RADIL: variants seen among roughly 807,000 people sequenced by gnomAD.
The protein encoded by RADIL is ras-associating and dilute domain-containing protein.
A neutral mutation model predicts 97.6 loss-of-function variants in RADIL; 99 were observed. The observed-to-expected ratio is 1.01, with a 90% confidence interval of 0.86 to 1.20. The LOEUF is 1.20. Among genes scored for constraint, RADIL ranks in the 50% most tolerant of loss-of-function variants. RADIL has a pLI of 0.00. For missense variants in RADIL, 1,765 were observed against 1,498.9 expected, an observed-to-expected ratio of 1.18 and a Z score of -2.93; for synonymous variants, 803 against 691.8, an observed-to-expected ratio of 1.16 and a Z score of -2.52.
At chr7:4,800,721 T>TAGCCC (rs369235162) in intron 12 of RADIL, among the ~76,000 whole-genome samples, 9 of 152,240 alleles carry the variant, frequency 5.9e-5, no homozygotes, top group East Asian at 1.9e-4. Context: ...CCCCAGGCCC[T>TAGCCC]AGCCCAGCCC....
At position 4,836,410 on chromosome 7, in the gene RADIL, G is replaced by A. The variant is rs769430872; in HGVS notation, c.731C>T (p.Ser244Leu). 1.5e-5 allele frequency: 24 copies of A among 1,581,706 alleles called. No homozygotes were observed. The highest frequency in any genetic ancestry group is 3.3e-4 in the Middle Eastern group (2 of 6,028). ...EEPGPDAMRY[S>L]LYQSPHLLLL... Reference sequence around the variant, plus strand: ...GAGCAGATGCGGGGACTGGTACAGCGAGTACCGCATGGCGTCGGGGCCGGG... The same window carrying A: ...GAGCAGATGCGGGGACTGGTACAGCAAGTACCGCATGGCGTCGGGGCCGGG... The change falls in exon 3 of 15, where the codon TCG becomes TTG. Residue 244 changes from serine (S) to leucine (L), a missense_variant. Physicochemically the swap from Ser to Leu is moderately radical, Grantham distance 145 (BLOSUM62 -2). Coordinates refer to ENST00000399583, the MANE Select transcript of RADIL (RefSeq NM_018059.5).
In RADIL at chr7:4,828,693, T is replaced by C. The variant is rs763479480; in HGVS notation, c.1454+3448A>G. Among the ~76,000 whole-genome samples the C allele has an allele frequency of 6.3e-4, 96 of 152,260 alleles. 1 individual carries two copies. The highest frequency in any genetic ancestry group is 3.4e-3 in the Middle Eastern group (1 of 294). ...TGTGGGATCACGGGGGAGTGACAGA[T>C]TCCGTACTGTTCTGTGTTTTGGAAG... On this transcript the variant is annotated intron_variant, in intron 5 of 14. Coordinates refer to ENST00000399583, the MANE Select transcript of RADIL (RefSeq NM_018059.5).
At chr7:4,801,481 G>C (rs1427769900) in intron 12 of RADIL, among the ~76,000 whole-genome samples, 172 bp downstream of exon 12, 4 of 152,242 alleles carry the variant, frequency 2.6e-5, no homozygotes, top group African/African-American at 7.2e-5. Flanking sequence ...CAGCTGCTGG[G>C]GGCTGAGCAG....
Position 4,797,982 on chromosome 7 carries a change from A to G in RADIL, c.*1396T>C, listed in dbSNP as rs562823098. ...GAGCGAGACTCCGTCTCATAAAAAA[A>G]AATTAAATATTTATATTTTATATAA... On this transcript the variant is annotated 3_prime_UTR_variant, in exon 15 of 15. Coordinates refer to ENST00000399583, the MANE Select transcript of RADIL (RefSeq NM_018059.5). The G allele has an allele frequency of 6.7e-6, 1 of 150,154 alleles. No homozygotes were observed. Among genetic ancestry groups the G allele is most frequent in the Admixed American group, 6.6e-5 (1 of 15,124 alleles). The allele number at this position is 150,154 out of a possible 1,614,324, so 9.3% of individuals were successfully genotyped here. A position where few individuals can be genotyped will look rare whatever the true frequency, so the allele number is the denominator to read the frequency against.
chr7:4,829,343 G>A (rs1783078643), intron 5 of RADIL, among the ~76,000 whole-genome samples: 1 of 152,200 alleles, frequency 6.6e-6, no homozygotes, highest in African/African-American at 2.4e-5. Context: ...TCGGGACCTG[G>A]CTCTGGGGAG....
At chr7:4,809,375 G>A (rs966822916) in intron 9 of RADIL, 1 of 985,404 alleles carries the variant, frequency 1.0e-6, no homozygotes, top group Non-Finnish European at 1.2e-6. Flanking sequence ...GCCCGGCTGA[G>A]CGGGGGGAGG....
rs910591792 is a variant in RADIL at position 4,873,067 on chromosome 7, A to G, written c.535+4538T>C. ...ATTCTCTGCCTCCCAAGTAGCTGGGATTACAGGTATGCACCATCATGCCCG... is the reference window on the plus strand; with the variant it reads ...ATTCTCTGCCTCCCAAGTAGCTGGGGTTACAGGTATGCACCATCATGCCCG... On this transcript the variant is annotated intron_variant, in intron 2 of 14. Transcript: ENST00000399583. The surrounding 1 kb of genome is among the most constrained non-coding windows in gnomAD (Gnocchi z 4.3). Among the ~76,000 whole-genome samples the G allele has an allele frequency of 1.3e-5, 2 of 152,160 alleles. No homozygotes were observed. The highest frequency in any genetic ancestry group is 6.5e-5 in the Admixed American group (1 of 15,274).
chr7:4,806,251 G>T (rs1391363425), intron 9 of RADIL, among the ~76,000 whole-genome samples: 2 of 152,222 alleles, frequency 1.3e-5, no homozygotes, highest in Admixed American at 1.3e-4. Flanking sequence ...CCAGGATCAA[G>T]CGATCCTCCC....
intron 1 of RADIL, chr7:4,882,064 C>CCAAT (rs1387259444): frequency 1.3e-5 from 2 of 151,920 alleles, no homozygotes; most frequent in Non-Finnish European, 2.9e-5. Context: ...TGACTCCTTT[C>CCAAT]CAATAACTCC....
chr7:4,861,455 C>A (rs1783993144), intron 2 of RADIL: 1 of 1,614,152 alleles, frequency 6.2e-7, no homozygotes, highest in East Asian at 2.2e-5. Context: ...TGGTGCAACG[C>A]ACAAGGCGTC....
At position 4,815,686 on chromosome 7, in the gene RADIL, C is replaced by T. The variant is rs916984071; in HGVS notation, c.1967-236G>A. Among the ~76,000 whole-genome samples, 5 of 152,164 alleles carry T rather than the reference C, an allele frequency of 3.3e-5. No individual in the cohort carries two copies. The highest frequency in any genetic ancestry group is 2.1e-4 in the South Asian group (1 of 4,836). ...GCAGGGCAGGGTGGGCTGTGACTGC[C>T]GCTGACTCCACAGTGCAGCCCCTAG... On this transcript the variant is annotated intron_variant, in intron 8 of 14. Coordinates refer to ENST00000399583, the MANE Select transcript of RADIL (RefSeq NM_018059.5). This position sits in a 1 kb window ranked among gnomAD's most constrained non-coding sequence, Gnocchi z 8.0.
At position 4,872,141 on chromosome 7, in the gene RADIL, T is replaced by G. The variant is rs1784270916; in HGVS notation, c.535+5464A>C. Among the ~76,000 whole-genome samples the G allele has an allele frequency of 6.6e-6, 1 of 152,016 alleles. No individual in the cohort carries two copies. Among genetic ancestry groups the G allele is most frequent in the South Asian group, 2.1e-4 (1 of 4,826 alleles). On this transcript the variant is annotated intron_variant, in intron 2 of 14. Transcript: ENST00000399583. This position sits in a 1 kb window ranked among gnomAD's most constrained non-coding sequence, Gnocchi z 5.8. ...CAGGTACTCAGCCATATGGTCCCAGTGGGCAGGGGCTCGTGTGGCCGAGTC... is the reference window on the plus strand; with the variant it reads ...CAGGTACTCAGCCATATGGTCCCAGGGGGCAGGGGCTCGTGTGGCCGAGTC...
chr7:4,846,250 G>C (rs929510132), intron 2 of RADIL, among the ~76,000 whole-genome samples: 1 of 151,486 alleles, frequency 6.6e-6, no homozygotes, highest in Non-Finnish European at 1.5e-5. Context: ...TGGTTCAAGC[G>C]ATTCTCCTGC....
intron 5 of RADIL, among the ~76,000 whole-genome samples, chr7:4,830,492 G>A (rs1161390308): frequency 1.3e-5 from 2 of 152,200 alleles, no homozygotes; most frequent in Non-Finnish European, 2.9e-5. Flanking sequence ...CAGGAGCTGC[G>A]CCTTTCCCTG....
chr7:4,850,470 T>C (rs1293423171), intron 2 of RADIL, among the ~76,000 whole-genome samples: 1 of 152,242 alleles, frequency 6.6e-6, no homozygotes, highest in Non-Finnish European at 1.5e-5. Flanking sequence ...GGAGGTTATT[T>C]GCTGGGCCGA....
chr7:4,833,998 T>A (rs775958118), intron 4 of RADIL, among the ~76,000 whole-genome samples: 1 of 152,008 alleles, frequency 6.6e-6, no homozygotes, highest in East Asian at 1.9e-4. Flanking sequence ...TCCTCTGCAA[T>A]GCACAGGCCA....
In RADIL at chr7:4,861,008, G is replaced by C. The variant is rs1458700270; in HGVS notation, c.535+16597C>G. 3 of 1,614,084 alleles carry C rather than the reference G, an allele frequency of 1.9e-6. No homozygotes were observed. Among genetic ancestry groups the C allele is most frequent in the African/African-American group, 2.7e-5 (2 of 74,936 alleles). On this transcript the variant is annotated intron_variant, in intron 2 of 14. Transcript: ENST00000399583. ...TACCAAGAAGAATTTCCGTACAAGAGTTGACGCTACTGCATTTGGATAAAG... is the reference window on the plus strand; with the variant it reads ...TACCAAGAAGAATTTCCGTACAAGACTTGACGCTACTGCATTTGGATAAAG...
chr7:4,873,438 G>T lies in RADIL; in HGVS notation c.535+4167C>A, dbSNP rs992321984. ...AGGCCAGGGGTCCCTTCCCTTTCTC[G>T]CCACTTTTTCCAGGTGAGATCGAAC... is the stretch of plus-strand genomic sequence containing the variant. On this transcript the variant is annotated intron_variant, in intron 2 of 14. Coordinates refer to ENST00000399583, the MANE Select transcript of RADIL (RefSeq NM_018059.5). The surrounding 1 kb of genome is among the most constrained non-coding windows in gnomAD (Gnocchi z 4.3). Among the ~76,000 whole-genome samples the T allele has an allele frequency of 1.3e-5, 2 of 151,998 alleles. No homozygotes were observed. The highest frequency in any genetic ancestry group is 1.5e-5 in the Non-Finnish European group (1 of 68,010).
intron 5 of RADIL, among the ~76,000 whole-genome samples, chr7:4,827,535 C>G (rs1052392571): frequency 6.6e-6 from 1 of 152,004 alleles, no homozygotes; most frequent in Non-Finnish European, 1.5e-5. Flanking sequence ...GTTGCAGGCG[C>G]CTGTAGTCCC....
Sources: allele counts gnomAD v4.1 joint callset (sites outside exome capture counted in the v4.1 genomes callset), GRCh38; gene constraint gnomAD v4.1.1; non-coding constraint Gnocchi (gnomAD v3.1); transcripts MANE v1.5; gene names NCBI Gene and HGNC (gene_info 2026-07-23, HGNC 2026-07-21).